Variants in ABL1 observed in about 807,000 individuals in gnomAD.
The protein encoded by ABL1 is tyrosine-protein kinase ABL1.
ABL1 carries 11 observed loss-of-function variants against 94.7 expected under a neutral mutation model. The observed-to-expected ratio is 0.12, with a 90% CI of 0.07 to 0.19. The LOEUF (loss-of-function observed/expected upper bound fraction) is 0.19, where lower values mean the gene tolerates loss of function less well. ABL1 is among the 10% of genes least tolerant of loss of function. ABL1 has a pLI of 1.00. For missense variants in ABL1, 1,082 were observed against 1,489.4 expected, an observed-to-expected ratio of 0.73 and a Z score of 4.50; for synonymous variants, 656 against 622.4, an observed-to-expected ratio of 1.05 and a Z score of -0.80.
chr9:130,773,177 G>A (rs1460563834), intron 1 of ABL1, among the ~76,000 whole-genome samples: 5 of 151,956 alleles, frequency 3.3e-5, no homozygotes, highest in Non-Finnish European at 7.4e-5. Context: ...AAAATTAGCC[G>A]GGCATGGTGG....
At chr9:130,762,896 C>T (rs1351561168) in intron 1 of ABL1, among the ~76,000 whole-genome samples, 2 of 138,256 alleles carry the variant, frequency 1.4e-5, no homozygotes, top group Admixed American at 7.9e-5. Flanking sequence ...GGTGACAGAG[C>T]GAGACTCCGT....
At chr9:130,851,024 C>T (rs552427843) in intron 1 of ABL1, among the ~76,000 whole-genome samples, 54 of 151,744 alleles carry the variant, frequency 3.6e-4, no homozygotes, top group African/African-American at 1.2e-3. Flanking sequence ...CCCGGGTTCA[C>T]GCCATTCTCC....
intron 1 of ABL1, among the ~76,000 whole-genome samples, chr9:130,749,731 G>A (rs1175343523): frequency 6.6e-6 from 1 of 152,166 alleles, no homozygotes; most frequent in South Asian, 2.1e-4. Context: ...ATGAGCTGAT[G>A]TCTGTGAAAG....
intron 1 of ABL1, among the ~76,000 whole-genome samples, chr9:130,795,311 A>G (rs1037728687): frequency 2.0e-5 from 3 of 152,188 alleles, no homozygotes; most frequent in Admixed American, 1.3e-4. Context: ...AGCTGGTTTC[A>G]CTTAATACAT....
At chr9:130,743,142 G>A (rs1475505177) in intron 1 of ABL1, among the ~76,000 whole-genome samples, 3 of 152,016 alleles carry the variant, frequency 2.0e-5, no homozygotes, top group Admixed American at 1.3e-4. Context: ...GCGTGATATC[G>A]GCTCACTGCA....
intron 2 of ABL1, 72 bp downstream of exon 2, chr9:130,854,309 C>G (rs1035540725): frequency 6.5e-7 from 1 of 1,529,446 alleles, no homozygotes; most frequent in Non-Finnish European, 8.9e-7. Context: ...TGACCTACCA[C>G]CCTTTGCTCG....
At chr9:130,824,647 G>T (rs1830402625) in intron 1 of ABL1, among the ~76,000 whole-genome samples, 1 of 152,154 alleles carries the variant, frequency 6.6e-6, no homozygotes, top group African/African-American at 2.4e-5. Context: ...TAGGAGGGGT[G>T]GTAAACAAGG....
chr9:130,880,769 G>C lies in ABL1; in HGVS notation c.1678+105G>C, dbSNP rs939919069. 2.9e-6 allele frequency: 4 copies of C among 1,363,628 alleles called. No individual in the cohort carries two copies. The African/African-American group carries it at 5.8e-5, about 20-fold the overall frequency. 84.5% of individuals were successfully genotyped at this position (1,363,628 alleles called of 1,614,324 possible). A position where few individuals can be genotyped will look rare whatever the true frequency, so the allele number is the denominator to read the frequency against. ...GGAAGCTGTGAATGGAGCCCGCACA[G>C]AAGGGCAGCCATGGCCTTTGTCAAT... is the stretch of plus-strand genomic sequence containing the variant. On this transcript the variant is annotated intron_variant, in intron 10 of 10. Transcript: ENST00000318560. This position sits in a 1 kb window ranked among gnomAD's most constrained non-coding sequence, Gnocchi z 4.4.
At chr9:130,869,028 G>A (rs111681541) in intron 4 of ABL1, among the ~76,000 whole-genome samples, 5,665 of 152,104 alleles carry the variant, frequency 0.037, 347 homozygotes, top group African/African-American at 0.13. Flanking sequence ...TTAGCTGGGC[G>A]TGGTGGCAGG....
intron 4 of ABL1, among the ~76,000 whole-genome samples, chr9:130,871,857 G>A (rs1442562233): frequency 2.6e-5 from 4 of 152,262 alleles, no homozygotes; most frequent in Non-Finnish European, 5.9e-5. Context: ...CTGCCTAGCA[G>A]GCACCAGAAG....
At chr9:130,867,057 A>G (rs938359246) in intron 4 of ABL1, among the ~76,000 whole-genome samples, 1 of 152,186 alleles carries the variant, frequency 6.6e-6, no homozygotes, top group Non-Finnish European at 1.5e-5. Context: ...TTCTCTAAGT[A>G]ATAGAATTTG....
At chr9:130,804,722 T>C (rs935566101) in intron 1 of ABL1, among the ~76,000 whole-genome samples, 1 of 152,250 alleles carries the variant, frequency 6.6e-6, no homozygotes, top group African/African-American at 2.4e-5. Flanking sequence ...ATAAAACTAA[T>C]GTAGTTAATT....
chr9:130,789,920 T>A (rs1488353908), intron 1 of ABL1, among the ~76,000 whole-genome samples: 1 of 152,086 alleles, frequency 6.6e-6, no homozygotes, highest in African/African-American at 2.4e-5. Context: ...CTCAGAGATA[T>A]AGTGAGAAGG....
chr9:130,880,351 A>G lies in ABL1; in HGVS notation c.1514-149A>G. The stretch of plus-strand genomic sequence containing the variant: ...CCCTGCAGAGTTCTAAGAAATGCTA[A>G]GGGCTGTTTCTCCGGTATCCACGTG... On this transcript the variant is annotated intron_variant, in intron 9 of 10. Transcript: ENST00000318560. This position sits in a 1 kb window ranked among gnomAD's most constrained non-coding sequence, Gnocchi z 4.4. The G allele has an allele frequency of 9.2e-7, 1 of 1,081,472 alleles. No homozygotes were observed. Among genetic ancestry groups the G allele is most frequent in the Non-Finnish European group, 1.3e-6 (1 of 746,252 alleles). The allele number at this position is 1,081,472 out of a possible 1,614,324, so 67.0% of individuals were successfully genotyped here. A position where few individuals can be genotyped will look rare whatever the true frequency, so the allele number is the denominator to read the frequency against.
intron 1 of ABL1, among the ~76,000 whole-genome samples, chr9:130,810,317 GAA>G (rs928862980): frequency 4.6e-5 from 7 of 152,170 alleles, no homozygotes; most frequent in Non-Finnish European, 1.0e-4. Context: ...CCAACATGGT[GAA>G]ACCCCACCTC....
At chr9:130,869,703 G>A (rs763875338) in intron 4 of ABL1, among the ~76,000 whole-genome samples, 13 of 152,156 alleles carry the variant, frequency 8.5e-5, no homozygotes, top group Admixed American at 2.0e-4. Context: ...ACTATATAAA[G>A]AGAATTTTCT....
At chr9:130,757,536 C>CTTTT (rs11411714) in intron 1 of ABL1, among the ~76,000 whole-genome samples, 19 of 101,880 alleles carry the variant, frequency 1.9e-4, no homozygotes, top group East Asian at 3.3e-4. Flanking sequence ...TACTCCAGGC[C>CTTTT]TTTTTTTTTT....
At chr9:130,729,845 C>T (rs1346084133) in intron 1 of ABL1, among the ~76,000 whole-genome samples, 1 of 151,630 alleles carries the variant, frequency 6.6e-6, no homozygotes, top group Admixed American at 6.6e-5. Flanking sequence ...AAGCGATTCT[C>T]CTGCTTCAGC....
intron 1 of ABL1, among the ~76,000 whole-genome samples, chr9:130,753,425 T>TTTTTTTTTTTTTTTTTTG (rs1831994649): frequency 1.1e-5 from 1 of 91,666 alleles, no homozygotes; most frequent in African/African-American, 3.3e-5. Context: ...TTCTTTTCTT[T>TTTTTTTTTTTTTTTTTTG]TTTTTTTTTT....
Sources: gnomAD v4.1 joint callset for allele counts (sites outside exome capture counted in the v4.1 genomes callset) on GRCh38, gnomAD v4.1.1 for gene constraint, Gnocchi (gnomAD v3.1) non-coding constraint, MANE v1.5 for transcripts, NCBI Gene and HGNC (gene_info 2026-07-23, HGNC 2026-07-21) for gene names.